LMTK2: variants seen among roughly 807,000 people sequenced by gnomAD.
LMTK2 encodes serine/threonine-protein kinase LMTK2.
A neutral mutation model predicts 127.5 loss-of-function variants in LMTK2; 37 were observed. That is an observed-to-expected ratio of 0.29 (90% confidence interval 0.22 to 0.38). The LOEUF is 0.38. Among genes scored for constraint, LMTK2 ranks in the 10% least tolerant of loss-of-function variants. The pLI is 1.00. For synonymous variants in LMTK2, 819 were observed against 810.1 expected (o/e 1.01, Z -0.19); for missense variants, 1,694 against 1,920.3 (o/e 0.88, Z 2.20).
intron 3 of LMTK2, among the ~76,000 whole-genome samples, chr7:98,146,514 C>T (rs1161650899): frequency 6.6e-6 from 1 of 151,522 alleles, no homozygotes; most frequent in East Asian, 1.9e-4. Flanking sequence ...TTTTGATTCC[C>T]TTCTCATTCC....
chr7:98,116,224 C>T (rs1407203741), intron 1 of LMTK2, among the ~76,000 whole-genome samples: 1 of 152,164 alleles, frequency 6.6e-6, no homozygotes, highest in Non-Finnish European at 1.5e-5. Context: ...GTCTCTTTAC[C>T]TAGTTTGCAA....
At chr7:98,160,667 G>A (rs902193762) in intron 6 of LMTK2, among the ~76,000 whole-genome samples, 1 of 152,160 alleles carries the variant, frequency 6.6e-6, no homozygotes. Flanking sequence ...CTGATTTGGG[G>A]GAAGGAGTGT....
intron 5 of LMTK2, among the ~76,000 whole-genome samples, chr7:98,157,458 C>G (rs756471097): frequency 5.9e-5 from 9 of 152,096 alleles, no homozygotes; most frequent in African/African-American, 9.7e-5. Context: ...TACAGCCCAG[C>G]AGTTGCATCC....
chr7:98,146,024 G>A (rs1056695787), intron 3 of LMTK2, among the ~76,000 whole-genome samples: 1 of 152,120 alleles, frequency 6.6e-6, no homozygotes, highest in Non-Finnish European at 1.5e-5. Flanking sequence ...TCTTGTATAC[G>A]TGGATATCCA....
intron 7 of LMTK2, among the ~76,000 whole-genome samples, chr7:98,181,539 T>A (rs1797355411): frequency 6.6e-6 from 1 of 152,212 alleles, no homozygotes; most frequent in African/African-American, 2.4e-5. Context: ...ATTTTAAAAC[T>A]TACTACAAAG....
Position 98,171,547 on chromosome 7 carries a change from C to G in LMTK2, c.664C>G (p.Leu222Val). ...CACGGGCTGACTTTTGCAGGGTGAC[C>G]TGAAGGCGTATCTGCGCAGCGAGCA... Reference protein sequence around the residue: ...LVFEFCDLGDLKAYLRSEQEH... With the variant: ...LVFEFCDLGDVKAYLRSEQEH... The change falls in exon 7 of 14, where the codon CTG becomes GTG. Residue 222 changes from leucine to valine, a missense_variant. Transcript: ENST00000297293. The surrounding 1 kb of genome is among the most constrained non-coding windows in gnomAD (Gnocchi z 5.1). The G allele has an allele frequency of 1.2e-6, 2 of 1,614,076 alleles. No homozygotes were observed. Among genetic ancestry groups the G allele is most frequent in the Non-Finnish European group, 1.7e-6 (2 of 1,180,048 alleles).
intron 11 of LMTK2, among the ~76,000 whole-genome samples, chr7:98,201,790 T>G (rs1248026023): frequency 6.6e-6 from 1 of 152,110 alleles, no homozygotes. Flanking sequence ...TTAAATTGTT[T>G]GTAGAGACAG....
chr7:98,110,127 T>C (rs958199640), intron 1 of LMTK2, among the ~76,000 whole-genome samples: 2 of 152,132 alleles, frequency 1.3e-5, no homozygotes, highest in African/African-American at 4.8e-5. Flanking sequence ...GATCAGTCTA[T>C]CCAGTTTAAT....
chr7:98,164,299 A>G (rs1428732567), intron 6 of LMTK2, among the ~76,000 whole-genome samples: 1 of 152,198 alleles, frequency 6.6e-6, no homozygotes, highest in Non-Finnish European at 1.5e-5. Flanking sequence ...ATTAAGGATC[A>G]CTCACTCAAC....
chr7:98,186,269 G>A (rs889013320), intron 8 of LMTK2, among the ~76,000 whole-genome samples: 3 of 152,000 alleles, frequency 2.0e-5, no homozygotes, highest in Admixed American at 6.6e-5. Flanking sequence ...CACCCTGTTG[G>A]CCAGGCTGGT....
chr7:98,111,261 C>G (rs891233307), intron 1 of LMTK2, among the ~76,000 whole-genome samples: 1 of 152,238 alleles, frequency 6.6e-6, no homozygotes, highest in African/African-American at 2.4e-5. Flanking sequence ...TGGGCCCTCT[C>G]TGGCCCCTGT....
In LMTK2 at chr7:98,205,723, C is replaced by T; in HGVS notation, c.*231C>T. 2 of 586,668 alleles carry T rather than the reference C, an allele frequency of 3.4e-6. No individual in the cohort carries two copies. The highest frequency in any genetic ancestry group is 3.0e-6 in the Non-Finnish European group (1 of 328,512). 36.3% of individuals were successfully genotyped at this position (586,668 alleles called of 1,614,324 possible). A position where few individuals can be genotyped will look rare whatever the true frequency, so the allele number is the denominator to read the frequency against. ...AGCCGGCGTCCCTCAGTGCCCCGTG[C>T]ACCCGCGGCCGCGGCCTCCCAGGCA... is the stretch of plus-strand genomic sequence containing the variant. On this transcript the variant is annotated 3_prime_UTR_variant, in exon 14 of 14. Transcript: ENST00000297293.
At chr7:98,190,953 G>A in intron 10 of LMTK2, 76 bp downstream of exon 10, 1 of 1,382,656 alleles carries the variant, frequency 7.2e-7, no homozygotes, top group Non-Finnish European at 1.0e-6. Flanking sequence ...AAAATTCGTG[G>A]GCCAAATATT....
rs527961102 is a variant in LMTK2 at position 98,194,720 on chromosome 7, A to T, written c.4107+148A>T. On this transcript the variant is annotated intron_variant, in intron 11 of 13. Coordinates refer to ENST00000297293, the MANE Select transcript of LMTK2 (RefSeq NM_014916.4). The surrounding 1 kb of genome is among the most constrained non-coding windows in gnomAD (Gnocchi z 5.4). ...CAAAAAGTAATTTGGGGTTGGTTAG[A>T]GTTCTAAGAATATGCAGAAATGTCA... 1.0e-5 allele frequency: 7 copies of T among 692,320 alleles called. No homozygotes were observed. The African/African-American group carries it at 1.3e-4, about 12-fold the overall frequency. The allele number at this position is 692,320 out of a possible 1,614,324, so 42.9% of individuals were successfully genotyped here. A position where few individuals can be genotyped will look rare whatever the true frequency, so the allele number is the denominator to read the frequency against.
rs1233219691 is a variant in LMTK2 at position 98,137,417 on chromosome 7, G to T, written c.206G>T (p.Cys69Phe). The T allele has an allele frequency of 9.3e-6, 15 of 1,613,654 alleles. No homozygotes were observed. Among genetic ancestry groups the T allele is most frequent in the Non-Finnish European group, 1.1e-5 (13 of 1,179,784 alleles). Residue 69 changes from cysteine (C) to phenylalanine (F), a missense_variant, in exon 2 of 14, where the codon TGT (cysteine) becomes TTT (phenylalanine). By Grantham distance (205) the Cys-to-Phe change is radical (BLOSUM62 -2). This residue lies in a region of LMTK2 where 6 missense variants were observed against 25.8 expected (regional missense o/e 0.23). Coordinates refer to ENST00000297293, the MANE Select transcript of LMTK2 (RefSeq NM_014916.4). ...TTAATTGCAAACTGTGTATCCTGCT[G>T]TAAGGACCCAGAAATAGACTTTAAG... ...IVLIANCVSC[C>F]KDPEIDFKEF...
intron 1 of LMTK2, among the ~76,000 whole-genome samples, chr7:98,131,149 T>C (rs1258575614): frequency 6.6e-6 from 1 of 152,092 alleles, no homozygotes; most frequent in East Asian, 1.9e-4. Context: ...TAGGTCACTA[T>C]CTCCAAAAGA....
chr7:98,132,980 C>CT (rs1796544466), intron 1 of LMTK2, among the ~76,000 whole-genome samples: 1 of 152,184 alleles, frequency 6.6e-6, no homozygotes, highest in Non-Finnish European at 1.5e-5. Context: ...TTACCTGTCT[C>CT]TAAAACAGAT....
rs552082345 is a variant in LMTK2 at position 98,146,777 on chromosome 7, G to A, written c.377-4605G>A. Among the ~76,000 whole-genome samples, 244 of 152,218 alleles carry A rather than the reference G, an allele frequency of 1.6e-3. 3 individuals carry two copies. In the South Asian group the frequency reaches 0.021, roughly 13 times the overall value. The stretch of plus-strand genomic sequence containing the variant: ...AATTGTGTAGGAAATAAAAAGAGGC[G>A]TTAGACACCAATAATACAGTAATAA... On this transcript the variant is annotated intron_variant, in intron 3 of 13. Transcript: ENST00000297293.
rs574444767 is a variant in LMTK2 at position 98,199,474 on chromosome 7, C to T, written c.4108-4100C>T. On this transcript the variant is annotated intron_variant, in intron 11 of 13. Coordinates refer to ENST00000297293, the MANE Select transcript of LMTK2 (RefSeq NM_014916.4). ...GTAATGTCCTTCTGTATTCCTTTGC[C>T]TTATATTCATAGAGCTGCTCCAGCT... Among the ~76,000 whole-genome samples, 69 of 152,200 alleles carry T rather than the reference C, an allele frequency of 4.5e-4. 1 individual carries two copies. The highest frequency in any genetic ancestry group is 1.5e-3 in the African/African-American group (64 of 41,510).
Sources: gnomAD v4.1 joint callset for allele counts (sites outside exome capture counted in the v4.1 genomes callset) on GRCh38, gnomAD v4.1.1 for gene constraint, gnomAD v4.1.1 regional missense constraint, Gnocchi (gnomAD v3.1) non-coding constraint, MANE v1.5 for transcripts, NCBI Gene and HGNC (gene_info 2026-07-23, HGNC 2026-07-21) for gene names.